TTLL13: variants seen among roughly 807,000 people sequenced by gnomAD.
TTLL13 encodes tubulin polyglutamylase TTLL13.
chr15:90,251,914 A>G, the TTLL13 span, among the ~76,000 whole-genome samples: 1 of 151,732 alleles, frequency 6.6e-6, no homozygotes, highest in Admixed American at 6.6e-5. Flanking sequence ...TCGCTTTGTC[A>G]TCCAGGCTGG....
At chr15:90,261,991 G>A in the TTLL13 span, 30 of 1,524,110 alleles carry the variant, frequency 2.0e-5, no homozygotes, top group African/African-American at 2.7e-5. Flanking sequence ...GACTCACTGA[G>A]CTTGCTTTCC....
the TTLL13 span, chr15:90,263,987 A>G: frequency 1.3e-6 from 2 of 1,535,938 alleles, no homozygotes; most frequent in East Asian, 4.9e-5. Context: ...GCAGCCATCA[A>G]CTCCTGTTCA....
the TTLL13 span, chr15:90,256,399 C>T: frequency 7.7e-6 from 11 of 1,434,574 alleles, no homozygotes; most frequent in South Asian, 1.3e-4. Flanking sequence ...GGCTTCTACC[C>T]TTCCCACTAG....
chr15:90,252,090 A>G, the TTLL13 span, among the ~76,000 whole-genome samples: 115 of 141,060 alleles, frequency 8.2e-4, no homozygotes, highest in African/African-American at 2.9e-3. Flanking sequence ...CCCAGGCTGG[A>G]ATGCAATGGC....
chr15:90,252,654 G>A, the TTLL13 span, among the ~76,000 whole-genome samples: 11 of 152,132 alleles, frequency 7.2e-5, no homozygotes, highest in African/African-American at 2.2e-4. Flanking sequence ...GTGCCAGTGT[G>A]ACCCCACCTA....
At chr15:90,258,430 T>C in the TTLL13 span, 1 of 688,134 alleles carries the variant, frequency 1.5e-6, no homozygotes, top group Non-Finnish European at 2.5e-6. Context: ...CTCTACCCTT[T>C]TGACCTGCTG....
the TTLL13 span, chr15:90,263,424 C>G: frequency 2.1e-6 from 1 of 482,556 alleles, no homozygotes; most frequent in East Asian, 3.3e-5. Context: ...CAAAATAACC[C>G]CACACTCATG....
At chr15:90,263,230 C>A in the TTLL13 span, 1 of 1,243,522 alleles carries the variant, frequency 8.0e-7, no homozygotes, top group Non-Finnish European at 1.1e-6. Context: ...ACAAAGGAGG[C>A]TTGTGTGATG....
chr15:90,261,942 C>A, the TTLL13 span: 1 of 1,329,306 alleles, frequency 7.5e-7, no homozygotes, highest in South Asian at 1.6e-5. Context: ...CTTAGTCAGT[C>A]TTCCTTTCCC....
chr15:90,250,826 A>T, the TTLL13 span: 1 of 1,614,220 alleles, frequency 6.2e-7, no homozygotes, highest in East Asian at 2.2e-5. Context: ...GAAGAAAGTC[A>T]TAGCCCCAGT....
At chr15:90,257,766 C>T in the TTLL13 span, 1 of 1,582,874 alleles carries the variant, frequency 6.3e-7, no homozygotes, top group East Asian at 2.2e-5. Flanking sequence ...GCCCCTTAGC[C>T]CCACAGTCCC....
chr15:90,262,346 G>T, the TTLL13 span: 4 of 1,143,142 alleles, frequency 3.5e-6, no homozygotes, highest in South Asian at 1.7e-5. Flanking sequence ...CAGTTTAGTA[G>T]GTTTCCTATC....
the TTLL13 span, chr15:90,253,170 C>G: frequency 8.3e-7 from 1 of 1,210,102 alleles, no homozygotes; most frequent in South Asian, 1.3e-5. Flanking sequence ...AGGTGTATAC[C>G]TTACCTGACC....
chr15:90,262,081 C>G, the TTLL13 span: 1 of 1,536,066 alleles, frequency 6.5e-7, no homozygotes, highest in Non-Finnish European at 8.7e-7. Flanking sequence ...TGGGAAAATA[C>G]CGGCGGATCT....
chr15:90,253,184 C>T, the TTLL13 span: 1 of 1,390,648 alleles, frequency 7.2e-7, no homozygotes, highest in Non-Finnish European at 1.0e-6. Flanking sequence ...CCTGACCCAG[C>T]TACACAGTTC....
At chr15:90,262,090 C>A in the TTLL13 span, 1 of 1,536,092 alleles carries the variant, frequency 6.5e-7, no homozygotes. Context: ...ACCGGCGGAT[C>A]TACCCTGGGC....
At chr15:90,263,309 C>A in the TTLL13 span, 28 of 617,974 alleles carry the variant, frequency 4.5e-5, no homozygotes, top group Non-Finnish European at 7.7e-5. Context: ...CTGTTGATTC[C>A]TTTTGCGTCT....
the TTLL13 span, chr15:90,262,199 G>T: frequency 1.3e-6 from 2 of 1,526,002 alleles, no homozygotes; most frequent in South Asian, 2.4e-5. Flanking sequence ...CAGGTACTTT[G>T]ACCGACATTC....
At chr15:90,262,930 T>A in the TTLL13 span, 1 of 1,525,804 alleles carries the variant, frequency 6.6e-7, no homozygotes, top group Non-Finnish European at 8.8e-7. Context: ...GACTTATCCT[T>A]GGAGATCCTG....
Sources: gnomAD v4.1 joint callset for allele counts (sites outside exome capture counted in the v4.1 genomes callset) on GRCh38, gnomAD v4.1.1 for gene constraint, MANE v1.5 for transcripts, NCBI Gene and HGNC (gene_info 2026-07-23, HGNC 2026-07-21) for gene names.